The following CD300LD variants were observed in gnomAD, a reference collection of about 807,000 sequenced individuals.
CD300LD encodes the protein CMRF35-like molecule 5.
CD300LD carries 18 observed loss-of-function variants against 20.3 expected under a neutral mutation model. The observed-to-expected ratio is 0.89, with a 90% CI of 0.61 to 1.32. The LOEUF is 1.32. CD300LD is among the 40% of genes most tolerant of loss of function. The pLI, the probability that CD300LD is intolerant of heterozygous loss-of-function variation, is 0.00. For synonymous variants in CD300LD, 104 were observed against 90.1 expected (o/e 1.15, Z -0.87); for missense variants, 195 against 226.6 (o/e 0.86, Z 0.90).
downstream of CD300LD, among the ~76,000 whole-genome samples, chr17:74,578,669 C>T (rs1466825650): frequency 6.6e-6 from 1 of 152,180 alleles, no homozygotes; most frequent in African/African-American, 2.4e-5. Flanking sequence ...CTGCGCCCAG[C>T]ATTTTGGAAT....
chr17:74,579,990 ACTC>A lies in CD300LD; in HGVS notation c.*9_*11del. On this transcript the variant is annotated 3_prime_UTR_variant, in exon 4 of 4. Transcript: ENST00000375352. The stretch of plus-strand genomic sequence containing the variant: ...CATTGGGACTCTCATCATCGGGCTG[ACTC>A]CTCCTCCTTCAAGACCTTCTTTGTG... 10 of 1,578,340 alleles carry A rather than the reference ACTC, an allele frequency of 6.3e-6. No homozygotes were observed. Among genetic ancestry groups the A allele is most frequent in the Non-Finnish European group, 8.7e-6 (10 of 1,150,350 alleles).
chr17:74,586,874 A>G (rs1598130569), intron 2 of CD300LD, among the ~76,000 whole-genome samples: 1 of 152,200 alleles, frequency 6.6e-6, no homozygotes, highest in South Asian at 2.1e-4. Context: ...GGGTTTTTGA[A>G]CCAGGAGAAT....
intron 2 of CD300LD, among the ~76,000 whole-genome samples, chr17:74,585,320 C>G (rs1397911017): frequency 6.6e-6 from 1 of 152,072 alleles, no homozygotes; most frequent in Non-Finnish European, 1.5e-5. Flanking sequence ...CTGCCATTAT[C>G]TTCTTCTTAT....
Position 74,579,901 on chromosome 17 carries a change from A to G in CD300LD, c.*101T>C. ...CTCTATCTCTAGAAAGAAAAAAAGAAGAGAAAAGAAAATGTTTTTTCTTCT... is the reference window on the plus strand; with the variant it reads ...CTCTATCTCTAGAAAGAAAAAAAGAGGAGAAAAGAAAATGTTTTTTCTTCT... On this transcript the variant is annotated 3_prime_UTR_variant, in exon 4 of 4. Transcript: ENST00000375352. The G allele has an allele frequency of 1.5e-6, 1 of 674,520 alleles. No individual in the cohort carries two copies. The highest frequency in any genetic ancestry group is 2.9e-5 in the East Asian group (1 of 34,748). 41.8% of individuals were successfully genotyped at this position (674,520 alleles called of 1,614,324 possible). A position where few individuals can be genotyped will look rare whatever the true frequency, so the allele number is the denominator to read the frequency against.
At chr17:74,581,972 C>G (rs915208708) in intron 3 of CD300LD, among the ~76,000 whole-genome samples, 1 of 152,166 alleles carries the variant, frequency 6.6e-6, no homozygotes, top group Non-Finnish European at 1.5e-5. Flanking sequence ...ACAGGGCTAT[C>G]AGAGTTAACA....
chr17:74,590,848 C>T (rs1268165355), intron 1 of CD300LD: 1 of 152,060 alleles, frequency 6.6e-6, no homozygotes, highest in Admixed American at 6.6e-5. Context: ...GAGGCTGAGG[C>T]AGGAGAATCG....
At chr17:74,586,493 A>C (rs2030161445) in intron 2 of CD300LD, among the ~76,000 whole-genome samples, 1 of 152,186 alleles carries the variant, frequency 6.6e-6, no homozygotes, top group African/African-American at 2.4e-5. Flanking sequence ...AAATTTCATC[A>C]GAATGGCACC....
intron 1 of CD300LD, chr17:74,591,894 C>A (rs1414394112): frequency 1.4e-6 from 1 of 694,340 alleles, no homozygotes; most frequent in Non-Finnish European, 2.2e-6. Flanking sequence ...TCTGTTCATT[C>A]ATCTGTTTAT....
At chr17:74,583,089 C>T (rs2143275267) in intron 2 of CD300LD, among the ~76,000 whole-genome samples, 1 of 152,168 alleles carries the variant, frequency 6.6e-6, no homozygotes, top group Non-Finnish European at 1.5e-5. Context: ...TACCCGGTAA[C>T]ACCACCACCA....
chr17:74,587,730 C>T (rs1044572735), intron 2 of CD300LD, among the ~76,000 whole-genome samples: 2 of 152,086 alleles, frequency 1.3e-5, no homozygotes, highest in East Asian at 3.9e-4. Context: ...TCCAAGAAGG[C>T]ACTGGCAGGG....
intron 1 of CD300LD, chr17:74,590,790 A>T: frequency 6.6e-6 from 1 of 152,192 alleles, no homozygotes; most frequent in East Asian, 1.9e-4. Flanking sequence ...ATTTATAAGA[A>T]ATAAGAGCTG....
chr17:74,582,217 C>G lies in CD300LD; in HGVS notation c.473+1G>C, dbSNP rs1304936561. ...AAGTGGTGGGACCTGGCTCCACCTA[C>G]CTGGTGAGGGGGCTGCTGGTCTTCT... On this transcript the variant is annotated splice_donor_variant, in intron 3 of 3. Coordinates refer to ENST00000375352, the MANE Select transcript of CD300LD (RefSeq NM_001115152.2). LOFTEE classifies it high-confidence loss of function. 6.2e-7 allele frequency: 1 copy of G among 1,613,566 alleles called. No individual in the cohort carries two copies. The highest frequency in any genetic ancestry group is 8.5e-7 in the Non-Finnish European group (1 of 1,179,752).
chr17:74,591,766 T>C (rs2143304010), intron 1 of CD300LD, among the ~76,000 whole-genome samples: 1 of 146,164 alleles, frequency 6.8e-6, no homozygotes, highest in East Asian at 2.0e-4. Context: ...TGAAACATCA[T>C]GCTAAGTGAA....
rs1268390774 is a variant in CD300LD at position 74,580,095 on chromosome 17, G to C, written c.492C>G (p.Thr164=). 6.2e-7 allele frequency: 1 copy of C among 1,612,082 alleles called. No individual in the cohort carries two copies. Among genetic ancestry groups the C allele is most frequent in the South Asian group, 1.1e-5 (1 of 90,714 alleles). ...CCAGGAGGAACAGGAACAGGAAGTG[G>C]GTGCTCTTGAGCGGGGACCTGTGGG... ...SPLTRSPLKS[T]HFLFLFLLEL... The change falls in exon 4 of 4, where the codon ACC becomes ACG. Residue 164 remains threonine (T), a synonymous_variant. Coordinates refer to ENST00000375352, the MANE Select transcript of CD300LD (RefSeq NM_001115152.2).
chr17:74,583,588 C>G (rs1228823722), intron 2 of CD300LD, among the ~76,000 whole-genome samples: 1 of 152,176 alleles, frequency 6.6e-6, no homozygotes, highest in Non-Finnish European at 1.5e-5. Flanking sequence ...CTCTTACTAT[C>G]TATGAGTTGG....
At chr17:74,586,653 G>C (rs76810577) in intron 2 of CD300LD, among the ~76,000 whole-genome samples, 1 of 152,062 alleles carries the variant, frequency 6.6e-6, no homozygotes, top group Admixed American at 6.5e-5. Flanking sequence ...CTCAGGATTC[G>C]ATCTCCCAGT....
intron 2 of CD300LD, among the ~76,000 whole-genome samples, chr17:74,586,803 G>GGA (rs1449352193): frequency 6.6e-6 from 1 of 152,204 alleles, no homozygotes; most frequent in African/African-American, 2.4e-5. Context: ...CTTAGTCCCA[G>GGA]GAGTTATTGA....
chr17:74,589,825 A>G (rs2030262350), intron 1 of CD300LD, among the ~76,000 whole-genome samples: 1 of 152,226 alleles, frequency 6.6e-6, no homozygotes, highest in Non-Finnish European at 1.5e-5. Flanking sequence ...ATGGAACTAG[A>G]AGCACATTGG....
chr17:74,579,915 G>GTTTTTT lies in CD300LD; in HGVS notation c.*81_*86dup. On this transcript the variant is annotated 3_prime_UTR_variant, in exon 4 of 4. Coordinates refer to ENST00000375352, the MANE Select transcript of CD300LD (RefSeq NM_001115152.2). ...AGAAAAAAAGAAGAGAAAAGAAAAT[G>GTTTTTT]TTTTTTCTTCTGTGGGAGGGCCTTT... is the stretch of plus-strand genomic sequence containing the variant. 2 of 747,030 alleles carry GTTTTTT rather than the reference G, an allele frequency of 2.7e-6. No homozygotes were observed. Among genetic ancestry groups the GTTTTTT allele is most frequent in the South Asian group, 1.6e-5 (1 of 61,926 alleles). 46.3% of individuals were successfully genotyped at this position (747,030 alleles called of 1,614,324 possible).
Sources: allele counts gnomAD v4.1 joint callset (sites outside exome capture counted in the v4.1 genomes callset), GRCh38; gene constraint gnomAD v4.1.1; transcripts MANE v1.5; gene names NCBI Gene and HGNC (gene_info 2026-07-23, HGNC 2026-07-21).